The following ZBTB20 variants were observed in gnomAD, a reference collection of about 807,000 sequenced individuals.
The protein encoded by ZBTB20 is zinc finger and BTB domain containing 20, also known as zinc finger and BTB domain-containing protein 20.
Under a neutral mutation model 56.9 loss-of-function variants are expected in ZBTB20, and 9 were observed. That is an observed-to-expected ratio of 0.16 (90% CI 0.10 to 0.28). The LOEUF is 0.28. Among genes scored for constraint, ZBTB20 ranks in the 10% least tolerant of loss-of-function variants. The pLI is 1.00. For missense variants in ZBTB20, 655 were observed against 1,003.0 expected, an observed-to-expected ratio of 0.65 and a Z score of 4.69; for synonymous variants, 417 against 420.7, an observed-to-expected ratio of 0.99 and a Z score of 0.11.
chr3:115,006,015 T>C (rs2079453191), intron 2 of ZBTB20, among the ~76,000 whole-genome samples: 1 of 151,728 alleles, frequency 6.6e-6, no homozygotes, highest in Non-Finnish European at 1.5e-5. Context: ...TTTTTTTTCT[T>C]TTTTCTTTTT....
intron 5 of ZBTB20, among the ~76,000 whole-genome samples, chr3:114,780,707 C>T (rs911614966): frequency 6.6e-6 from 1 of 152,110 alleles, no homozygotes; most frequent in Non-Finnish European, 1.5e-5. Flanking sequence ...AGGATGGTCT[C>T]GATCTCTTGA....
Position 114,315,385 on chromosome 3 carries a change from T to G in ZBTB20, c.*23620A>C, listed in dbSNP as rs1329669237. 6.6e-6 allele frequency: 1 copy of G among 152,142 alleles called. No homozygotes were observed. The highest frequency in any genetic ancestry group is 2.4e-5 in the African/African-American group (1 of 41,420). 9.4% of individuals were successfully genotyped at this position (152,142 alleles called of 1,614,324 possible). A position where few individuals can be genotyped will look rare whatever the true frequency, so the allele number is the denominator to read the frequency against. Reference sequence around the variant, plus strand: ...TGAAAAGACAATCTGGTTAGAAAAGTTGCCCTCCACTCATAATTCACTGGG... The same window carrying G: ...TGAAAAGACAATCTGGTTAGAAAAGGTGCCCTCCACTCATAATTCACTGGG... On this transcript the variant is annotated 3_prime_UTR_variant, in exon 12 of 12. Transcript: ENST00000675478.
At chr3:114,516,833 C>T (rs768966745) in intron 6 of ZBTB20, among the ~76,000 whole-genome samples, 6 of 152,142 alleles carry the variant, frequency 3.9e-5, no homozygotes, top group Non-Finnish European at 1.5e-5. Flanking sequence ...GTGGGAGTCA[C>T]GGAACTCACA....
chr3:114,867,939 C>A (rs543269018), intron 4 of ZBTB20, among the ~76,000 whole-genome samples: 1 of 152,250 alleles, frequency 6.6e-6, no homozygotes, highest in Admixed American at 6.5e-5. Flanking sequence ...CTGTTAGACA[C>A]CCTCTCTGTC....
chr3:114,450,268 A>T (rs946183405), intron 7 of ZBTB20, among the ~76,000 whole-genome samples: 8 of 152,226 alleles, frequency 5.3e-5, no homozygotes, highest in Non-Finnish European at 1.0e-4. Context: ...CTCAGCAGGC[A>T]ATTTAAAAAT....
chr3:114,595,065 T>C (rs9820607), intron 6 of ZBTB20, among the ~76,000 whole-genome samples: 15,775 of 152,274 alleles, frequency 0.1, 1,172 homozygotes, highest in Non-Finnish European at 0.16. Context: ...TCTTTTTTCA[T>C]TTAAAAAACT....
intron 5 of ZBTB20, among the ~76,000 whole-genome samples, chr3:114,766,915 T>C (rs1055217213): frequency 6.6e-6 from 1 of 152,046 alleles, no homozygotes; most frequent in African/African-American, 2.4e-5. Context: ...AAATAAACAA[T>C]GGTACAAAGA....
intron 7 of ZBTB20, among the ~76,000 whole-genome samples, chr3:114,410,021 G>A (rs933261542): frequency 1.3e-5 from 2 of 151,998 alleles, no homozygotes; most frequent in Non-Finnish European, 2.9e-5. Context: ...AGCCTTTATC[G>A]AAGTCTGGGT....
intron 1 of ZBTB20, among the ~76,000 whole-genome samples, chr3:115,097,167 T>C (rs778352070): frequency 6.6e-5 from 10 of 152,128 alleles, no homozygotes; most frequent in Non-Finnish European, 1.2e-4. Context: ...TGGCATTCCA[T>C]TTTATTTGAT....
intron 8 of ZBTB20, among the ~76,000 whole-genome samples, chr3:114,386,702 T>C (rs1435590611): frequency 1.3e-5 from 2 of 152,132 alleles, no homozygotes; most frequent in African/African-American, 2.4e-5. Flanking sequence ...GCCTGGGTAA[T>C]GTAGTCCAGA....
intron 6 of ZBTB20, among the ~76,000 whole-genome samples, chr3:114,556,050 T>A (rs2051179236): frequency 2.0e-5 from 3 of 152,082 alleles, no homozygotes; most frequent in Admixed American, 6.6e-5. Flanking sequence ...TAACAACATC[T>A]CACTATCCAC....
chr3:114,821,549 G>A (rs1400582992), intron 4 of ZBTB20, among the ~76,000 whole-genome samples: 2 of 152,096 alleles, frequency 1.3e-5, no homozygotes, highest in Non-Finnish European at 2.9e-5. Flanking sequence ...GAGTCACTCT[G>A]GCAAGAAGAA....
intron 4 of ZBTB20, among the ~76,000 whole-genome samples, chr3:114,859,785 C>T (rs9827541): frequency 0.75 from 114,707 of 151,978 alleles, 47,500 homozygotes; most frequent in East Asian, 0.99. Flanking sequence ...ACAGTATGTA[C>T]ATAAATAAAG....
At chr3:114,482,063 G>T (rs2041614644) in intron 7 of ZBTB20, among the ~76,000 whole-genome samples, 1 of 152,208 alleles carries the variant, frequency 6.6e-6, no homozygotes, top group Non-Finnish European at 1.5e-5. Context: ...CAATGTGGGA[G>T]CAGGAAGATG....
chr3:114,689,370 G>C (rs569485075), intron 6 of ZBTB20, among the ~76,000 whole-genome samples: 2 of 152,246 alleles, frequency 1.3e-5, no homozygotes, highest in East Asian at 3.9e-4. Flanking sequence ...AATCTTGGTT[G>C]GTGGGGGTAT....
At chr3:114,470,085 T>C (rs1021072905) in intron 7 of ZBTB20, among the ~76,000 whole-genome samples, 1 of 152,130 alleles carries the variant, frequency 6.6e-6, no homozygotes, top group African/African-American at 2.4e-5. Context: ...ATTAAAGATA[T>C]AGAAAAAGGG....
At chr3:114,364,733 C>T (rs546607625) in intron 10 of ZBTB20, among the ~76,000 whole-genome samples, 3 of 152,174 alleles carry the variant, frequency 2.0e-5, no homozygotes, top group Non-Finnish European at 4.4e-5. Context: ...GGAAAAGTGT[C>T]TCATTTCTTC....
intron 8 of ZBTB20, chr3:114,387,841 C>T (rs186722933): frequency 6.6e-6 from 1 of 152,282 alleles, no homozygotes; most frequent in Non-Finnish European, 1.5e-5. Flanking sequence ...TCTTTAGTCC[C>T]CAGTAACTCA....
At chr3:115,010,201 G>A (rs1456665728) in intron 2 of ZBTB20, among the ~76,000 whole-genome samples, 1 of 151,918 alleles carries the variant, frequency 6.6e-6, no homozygotes, top group African/African-American at 2.4e-5. Context: ...GGTCCTTGCT[G>A]TCCTGAAGAG....
Sources: gnomAD v4.1 joint callset for allele counts (sites outside exome capture counted in the v4.1 genomes callset) on GRCh38, gnomAD v4.1.1 for gene constraint, MANE v1.5 for transcripts, NCBI Gene and HGNC (gene_info 2026-07-23, HGNC 2026-07-21) for gene names.